The following DAGLA variants were observed in gnomAD, a reference collection of about 807,000 sequenced individuals.
DAGLA encodes diacylglycerol lipase alpha, also known as diacylglycerol lipase-alpha.
Under a neutral mutation model 102.6 loss-of-function variants are expected in DAGLA, and 22 were observed. The ratio of observed to expected loss-of-function variants is 0.21; its 90% CI spans 0.15 to 0.31. The LOEUF is 0.31. Among genes scored for constraint, DAGLA ranks in the 10% least tolerant of loss-of-function variants. The pLI, the probability that DAGLA is intolerant of heterozygous loss-of-function variation, is 1.00. For missense variants in DAGLA, 927 were observed against 1,446.6 expected (o/e 0.64, Z 5.83); for synonymous variants, 578 against 628.9 (o/e 0.92, Z 1.21).
In DAGLA at chr11:61,744,735, C is replaced by T. The variant is rs1025443911; in HGVS notation, c.*246C>T. On this transcript the variant is annotated 3_prime_UTR_variant, in exon 20 of 20. Transcript: ENST00000257215. ...GGGAAGGGTGTGGAGTGGGGAGGAG[C>T]CTGGGCAGCCTGCTGGGTGGGCCAC... 1.1e-5 allele frequency: 5 copies of T among 455,912 alleles called. No homozygotes were observed. Among genetic ancestry groups the T allele is most frequent in the Non-Finnish European group, 1.9e-5 (5 of 257,880 alleles). 28.2% of individuals were successfully genotyped at this position (455,912 alleles called of 1,614,324 possible).
At chr11:61,736,459 C>T in intron 13 of DAGLA, 109 bp downstream of exon 13, 1 of 902,732 alleles carries the variant, frequency 1.1e-6, no homozygotes, top group Non-Finnish European at 1.8e-6. Flanking sequence ...AACTCCCACA[C>T]AAGCCAGGCT....
At chr11:61,687,578 C>G (rs1200995257) in intron 1 of DAGLA, among the ~76,000 whole-genome samples, 1 of 152,198 alleles carries the variant, frequency 6.6e-6, no homozygotes, top group African/African-American at 2.4e-5. Flanking sequence ...ATCCACCCGC[C>G]TCGCTCGGCC....
At chr11:61,714,168 G>A (rs188946707) in intron 1 of DAGLA, among the ~76,000 whole-genome samples, 15 of 152,280 alleles carry the variant, frequency 9.9e-5, no homozygotes, top group Non-Finnish European at 2.1e-4. Flanking sequence ...CATCCTCCCG[G>A]CCCTCAATTT....
At chr11:61,693,712 C>A (rs1405541809) in intron 1 of DAGLA, among the ~76,000 whole-genome samples, 1 of 152,222 alleles carries the variant, frequency 6.6e-6, no homozygotes, top group Non-Finnish European at 1.5e-5. Context: ...TCACAGTGCA[C>A]CTGCCCTGCC....
intron 1 of DAGLA, among the ~76,000 whole-genome samples, chr11:61,694,705 G>A (rs542485628): frequency 3.7e-4 from 56 of 152,338 alleles, no homozygotes; most frequent in African/African-American, 1.1e-3. Context: ...GAGTGGCTCC[G>A]TGGGGAGGAA....
At position 61,680,473 on chromosome 11, in the gene DAGLA, G is replaced by T. The variant is rs572760328; in HGVS notation, c.-76G>T. ...AGCCCAGGATGGAGGTGGCGGTCGC[G>T]GCGGCGGGCCGAGCCCTGCGGCGGG... On this transcript the variant is annotated 5_prime_UTR_variant, in exon 1 of 20. Transcript: ENST00000257215. 6.6e-6 allele frequency: 1 copy of T among 151,728 alleles called. No individual in the cohort carries two copies. The highest frequency in any genetic ancestry group is 2.4e-5 in the African/African-American group (1 of 41,248). 9.4% of individuals were successfully genotyped at this position (151,728 alleles called of 1,614,324 possible).
chr11:61,696,768 A>C (rs2065070021), intron 1 of DAGLA, among the ~76,000 whole-genome samples: 1 of 152,038 alleles, frequency 6.6e-6, no homozygotes, highest in Non-Finnish European at 1.5e-5. Context: ...AGGCAGCGGC[A>C]GGCACTGTCA....
chr11:61,731,468 C>G (rs972170808), intron 9 of DAGLA, 27 bp downstream of exon 9: 5 of 1,610,550 alleles, frequency 3.1e-6, no homozygotes, highest in East Asian at 2.2e-5. Context: ...CATCCCCCAG[C>G]GATTGCACCT....
Position 61,728,218 on chromosome 11 carries a change from C to A in DAGLA, c.702C>A (p.Ser234=), listed in dbSNP as rs146061723. Residue 234 remains serine (S), a synonymous_variant, in exon 7 of 20, where the codon TCC becomes TCA. Transcript: ENST00000257215. The part of the protein sequence containing the change: ...EFFRDLDIVP[S]DIIAGLVLLR... Reference sequence around the variant, plus strand: ...TCCGGGACCTTGACATTGTGCCATCCGACATCATTGCTGGCCTGGTGCTGC... The same window carrying A: ...TCCGGGACCTTGACATTGTGCCATCAGACATCATTGCTGGCCTGGTGCTGC... The A allele has an allele frequency of 1.9e-6, 3 of 1,614,120 alleles. No individual in the cohort carries two copies. The highest frequency in any genetic ancestry group is 2.2e-5 in the South Asian group (2 of 91,080).
chr11:61,708,518 C>A (rs2065168380), intron 1 of DAGLA, among the ~76,000 whole-genome samples: 1 of 152,168 alleles, frequency 6.6e-6, no homozygotes, highest in South Asian at 2.1e-4. Flanking sequence ...GTAGCTGGGA[C>A]TACAGGCTCC....
rs1176206302 is a variant in DAGLA at position 61,744,040 on chromosome 11, G to A, written c.2680G>A (p.Glu894Lys). ...GGGTGGCGGGCCGGCCTCCCGCGGG[G>A]AGCTGGCGCTGCACAATGGGCGCCT... The part of the protein sequence containing the change: ...GGGGGPASRG[E>K]LALHNGRLGD... The change falls in exon 20 of 20, where the codon GAG becomes AAG. Residue 894 changes from glutamate to lysine, a missense_variant. Coordinates refer to ENST00000257215, the MANE Select transcript of DAGLA (RefSeq NM_006133.3). The A allele has an allele frequency of 6.2e-6, 10 of 1,612,408 alleles. No individual in the cohort carries two copies. Among genetic ancestry groups the A allele is most frequent in the African/African-American group, 1.3e-5 (1 of 74,924 alleles).
chr11:61,732,584 G>A (rs182163358), intron 9 of DAGLA, among the ~76,000 whole-genome samples: 117 of 152,318 alleles, frequency 7.7e-4, no homozygotes, highest in Non-Finnish European at 1.3e-3. Context: ...GGGTATCACT[G>A]GCAGGCAGGG....
At chr11:61,705,172 C>A (rs2065139325) in intron 1 of DAGLA, among the ~76,000 whole-genome samples, 2 of 152,244 alleles carry the variant, frequency 1.3e-5, no homozygotes, top group Non-Finnish European at 2.9e-5. Context: ...CCAGTGCCCC[C>A]TCTGCCCGCC....
At position 61,720,832 on chromosome 11, in the gene DAGLA, G is replaced by T; in HGVS notation, c.249G>T (p.Gly83=). The T allele has an allele frequency of 6.2e-7, 1 of 1,613,592 alleles. No individual in the cohort carries two copies. The highest frequency in any genetic ancestry group is 8.5e-7 in the Non-Finnish European group (1 of 1,180,042). Residue 83 remains glycine (G), a synonymous_variant, in exon 3 of 20, where the codon GGG becomes GGT. Transcript: ENST00000257215. ...EMAIIWLSMR[G]GILYTEPRDS... ...CCATCATCTGGCTGAGCATGCGCGGGGGCATCCTCTACACGGAGCCCCGTG... is the reference window on the plus strand; with the variant it reads ...CCATCATCTGGCTGAGCATGCGCGGTGGCATCCTCTACACGGAGCCCCGTG...
intron 1 of DAGLA, among the ~76,000 whole-genome samples, chr11:61,687,989 G>T (rs1163977809): frequency 6.6e-6 from 1 of 152,132 alleles, no homozygotes; most frequent in African/African-American, 2.4e-5. Flanking sequence ...ACACTGGATG[G>T]GAAAGGCCTT....
In DAGLA at chr11:61,744,678, C is replaced by G. The variant is rs2065521899; in HGVS notation, c.*189C>G. 1 of 566,028 alleles carries G rather than the reference C, an allele frequency of 1.8e-6. No individual in the cohort carries two copies. The highest frequency in any genetic ancestry group is 1.9e-5 in the African/African-American group (1 of 53,278). The allele number at this position is 566,028 out of a possible 1,614,324, so 35.1% of individuals were successfully genotyped here. Reference sequence around the variant, plus strand: ...CTTAGGACCCCCAGAGCCAAGGTGGCTGGGATCTGGCCCCACAGATGGGGA... The same window carrying G: ...CTTAGGACCCCCAGAGCCAAGGTGGGTGGGATCTGGCCCCACAGATGGGGA... On this transcript the variant is annotated 3_prime_UTR_variant, in exon 20 of 20. Transcript: ENST00000257215.
intron 9 of DAGLA, 93 bp downstream of exon 9, chr11:61,731,534 C>T (rs1792474842): frequency 1.5e-5 from 23 of 1,524,294 alleles, no homozygotes; most frequent in Non-Finnish European, 2.0e-5. Flanking sequence ...CTGCTTTGCC[C>T]TGAATGGCTT....
chr11:61,743,590 C>T lies in DAGLA; in HGVS notation c.2230C>T (p.Pro744Ser), dbSNP rs200772459. ...EGFSEGRLLS[P>S]VVAAAARQDP... is the part of the protein sequence containing the mutation. The stretch of plus-strand genomic sequence containing the variant: ...CTTCTCGGAGGGGCGGCTGCTGTCG[C>T]CAGTGGTTGCGGCGGCGGCCCGCCA... Residue 744 changes from proline (P) to serine (S), a missense_variant, in exon 20 of 20, where the codon CCA becomes TCA. By Grantham distance (74) the Pro-to-Ser change is moderately conservative. Around this residue, in one of 4 missense-constraint regions of DAGLA, gnomAD observed 434 missense variants for 503.3 expected, o/e 0.86. Coordinates refer to ENST00000257215, the MANE Select transcript of DAGLA (RefSeq NM_006133.3). 115 of 1,569,070 alleles carry T rather than the reference C, an allele frequency of 7.3e-5. No homozygotes were observed. In the African/African-American group the frequency reaches 1.3e-3, roughly 17 times the overall value.
In DAGLA at chr11:61,726,086, A is replaced by G; in HGVS notation, c.636+4A>G. The stretch of plus-strand genomic sequence containing the variant: ...GCGGACGAAGGACTCCCAGTCAGTA[A>G]GTACTGGGAGGTCGCTCCCCTCTGG... On this transcript the variant is annotated splice_donor_region_variant and intron_variant, in intron 6 of 19. Coordinates refer to ENST00000257215, the MANE Select transcript of DAGLA (RefSeq NM_006133.3). 1 of 1,610,124 alleles carries G rather than the reference A, an allele frequency of 6.2e-7. No homozygotes were observed. Among genetic ancestry groups the G allele is most frequent in the Non-Finnish European group, 8.5e-7 (1 of 1,179,110 alleles).
Sources: allele counts gnomAD v4.1 joint callset (sites outside exome capture counted in the v4.1 genomes callset), GRCh38; gene constraint gnomAD v4.1.1; regional missense constraint gnomAD v4.1.1; transcripts MANE v1.5; gene names NCBI Gene and HGNC (gene_info 2026-07-23, HGNC 2026-07-21).